PDE4B: variants seen among roughly 807,000 people sequenced by gnomAD.
PDE4B encodes the protein phosphodiesterase 4B.
A neutral mutation model predicts 82.2 loss-of-function variants in PDE4B; 20 were observed. The ratio of observed to expected loss-of-function variants is 0.24; its 90% CI spans 0.17 to 0.35. PDE4B has a LOEUF of 0.35. Among genes scored for constraint, PDE4B ranks in the 10% least tolerant of loss-of-function variants. The pLI, the probability that PDE4B is intolerant of heterozygous loss-of-function variation, is 1.00. For missense variants in PDE4B, 655 were observed against 907.2 expected (o/e 0.72, Z 3.57); for synonymous variants, 320 against 318.9 (o/e 1.00, Z -0.04).
intron 4 of PDE4B, among the ~76,000 whole-genome samples, chr1:66,250,705 A>C (rs1213338959): frequency 6.6e-6 from 1 of 152,210 alleles, no homozygotes; most frequent in African/African-American, 2.4e-5. Context: ...TCGTATACTG[A>C]GGTACAGATT....
intron 3 of PDE4B, among the ~76,000 whole-genome samples, chr1:66,072,298 A>G (rs1656194248): frequency 1.3e-5 from 2 of 152,132 alleles, no homozygotes; most frequent in Admixed American, 1.3e-4. Flanking sequence ...ACACATCCAC[A>G]TCATTATCAA....
rs1370153208 is a variant in PDE4B at position 66,129,671 on chromosome 1, AAC to A, written c.282-117787_282-117786del. 7.5e-4 allele frequency among the ~76,000 whole-genome samples: 42 copies of A among 56,090 alleles called. 3 individuals carry two copies. Among genetic ancestry groups the A allele is most frequent in the African/African-American group, 1.2e-3 (16 of 13,802 alleles). 36.8% of individuals were successfully genotyped at this position (56,090 alleles called of 152,430 possible). A position where few individuals can be genotyped will look rare whatever the true frequency, so the allele number is the denominator to read the frequency against. On this transcript the variant is annotated intron_variant, in intron 3 of 16. Coordinates refer to ENST00000341517, the MANE Select transcript of PDE4B (RefSeq NM_002600.4). ...CGAGACTCCGTCTCAAAAAAAAAAA[AAC>A]AAAAAAACAAAAAAACAAAAAAACA...
At chr1:66,231,621 T>A (rs1651953423) in intron 3 of PDE4B, among the ~76,000 whole-genome samples, 1 of 152,208 alleles carries the variant, frequency 6.6e-6, no homozygotes. Context: ...GCTTTGCAAA[T>A]GTGTTTCCTC....
intron 3 of PDE4B, among the ~76,000 whole-genome samples, chr1:65,946,633 T>C (rs1648727815): frequency 6.6e-6 from 1 of 151,974 alleles, no homozygotes; most frequent in African/African-American, 2.4e-5. Flanking sequence ...CATAGTCCTG[T>C]ACTGTAGATG....
chr1:66,108,415 G>A (rs1388347117), intron 3 of PDE4B, among the ~76,000 whole-genome samples: 1 of 151,920 alleles, frequency 6.6e-6, no homozygotes, highest in Non-Finnish European at 1.5e-5. Context: ...GATCCAAAAA[G>A]CACAGGAAAC....
intron 7 of PDE4B, among the ~76,000 whole-genome samples, chr1:66,323,989 C>A (rs1356209360): frequency 6.6e-6 from 1 of 152,102 alleles, no homozygotes; most frequent in African/African-American, 2.4e-5. Context: ...TTTGAACATC[C>A]CTTCACATTG....
chr1:66,190,442 C>T lies in PDE4B; in HGVS notation c.282-57018C>T, dbSNP rs189378608. ...GCCCTGCCCCCAGAGGTGGAGTCTA[C>T]AGAGGCAGGCAGGCCTCCTTGAGCT... On this transcript the variant is annotated intron_variant, in intron 3 of 16. Coordinates refer to ENST00000341517, the MANE Select transcript of PDE4B (RefSeq NM_002600.4). Among the ~76,000 whole-genome samples, 8 of 152,312 alleles carry T rather than the reference C, an allele frequency of 5.3e-5. No individual in the cohort carries two copies. In the East Asian group the frequency reaches 1.4e-3, roughly 26 times the overall value.
intron 3 of PDE4B, among the ~76,000 whole-genome samples, chr1:66,085,496 A>G (rs543165571): frequency 3.5e-4 from 53 of 152,278 alleles, no homozygotes; most frequent in Non-Finnish European, 7.2e-4. Context: ...TAATGAGAGA[A>G]GGTGCACATT....
chr1:66,174,863 G>A (rs758154315), intron 3 of PDE4B, among the ~76,000 whole-genome samples: 2 of 152,086 alleles, frequency 1.3e-5, no homozygotes, highest in Non-Finnish European at 2.9e-5. Context: ...AGGCTAAACA[G>A]GAAGCAAGGC....
intron 9 of PDE4B, 74 bp downstream of exon 9, chr1:66,355,694 C>T: frequency 1.3e-6 from 1 of 790,188 alleles, no homozygotes; most frequent in South Asian, 1.9e-5. Context: ...CTATCAAGGA[C>T]ATCCTCATGT....
At chr1:65,848,257 G>A (rs982435784) in intron 1 of PDE4B, among the ~76,000 whole-genome samples, 1 of 151,940 alleles carries the variant, frequency 6.6e-6, no homozygotes, top group Non-Finnish European at 1.5e-5. Context: ...TCCCGCATCA[G>A]CCTCCTGAGT....
chr1:66,148,251 T>C (rs1646314547), intron 3 of PDE4B, among the ~76,000 whole-genome samples: 1 of 152,080 alleles, frequency 6.6e-6, no homozygotes, highest in Non-Finnish European at 1.5e-5. Context: ...GCTTGTGTGA[T>C]AGAGTGAGAT....
intron 7 of PDE4B, among the ~76,000 whole-genome samples, chr1:66,280,538 T>G (rs536739213): frequency 6.6e-6 from 1 of 152,154 alleles, no homozygotes; most frequent in South Asian, 2.1e-4. Flanking sequence ...TTCCACAGAG[T>G]TGAGTATGAA....
chr1:66,143,188 G>C (rs925098749), intron 3 of PDE4B, among the ~76,000 whole-genome samples: 1 of 152,080 alleles, frequency 6.6e-6, no homozygotes, highest in Admixed American at 6.6e-5. Flanking sequence ...TGAAGACAAG[G>C]GTTTGTCTTT....
intron 3 of PDE4B, among the ~76,000 whole-genome samples, chr1:66,056,760 G>A (rs779079279): frequency 3.3e-4 from 51 of 152,252 alleles, no homozygotes; most frequent in Non-Finnish European, 3.8e-4. Context: ...ATGGAGGAAT[G>A]TGATCATGAG....
chr1:66,232,225 A>G (rs957846846), intron 3 of PDE4B, among the ~76,000 whole-genome samples: 2 of 152,244 alleles, frequency 1.3e-5, no homozygotes, highest in African/African-American at 2.4e-5. Context: ...TGCATTTTCC[A>G]TAAGATTACC....
At chr1:66,204,835 G>C (rs184940968) in intron 3 of PDE4B, among the ~76,000 whole-genome samples, 2 of 152,220 alleles carry the variant, frequency 1.3e-5, no homozygotes, top group Non-Finnish European at 2.9e-5. Context: ...GCTCGCTCAC[G>C]GTGTGCTGCA....
chr1:66,150,303 G>A (rs1029379050), intron 3 of PDE4B, among the ~76,000 whole-genome samples: 14 of 152,140 alleles, frequency 9.2e-5, no homozygotes, highest in African/African-American at 2.7e-4. Context: ...ATTGTGTCAG[G>A]CATTGCACTG....
chr1:65,964,213 G>A (rs185783269), intron 3 of PDE4B, among the ~76,000 whole-genome samples: 296 of 152,228 alleles, frequency 1.9e-3, no homozygotes, highest in African/African-American at 6.9e-3. Flanking sequence ...GGTGAAATGA[G>A]AATTCTATGC....
Sources: allele counts gnomAD v4.1 joint callset (sites outside exome capture counted in the v4.1 genomes callset), GRCh38; gene constraint gnomAD v4.1.1; transcripts MANE v1.5; gene names NCBI Gene and HGNC (gene_info 2026-07-23, HGNC 2026-07-21).